The following FHIP1A variants were observed in gnomAD, a reference collection of about 807,000 sequenced individuals.
The protein encoded by FHIP1A is FHF complex subunit HOOK interacting protein 1A.
A neutral mutation model predicts 88.6 loss-of-function variants in FHIP1A; 61 were observed. The observed-to-expected ratio is 0.69, with a 90% CI of 0.56 to 0.85. FHIP1A has a LOEUF of 0.85. Ranked by LOEUF, FHIP1A falls within the 40% of genes least tolerant of loss-of-function variation. The probability of loss-of-function intolerance (pLI) is 0.00; values close to 1 mark genes in which losing one functional copy is unlikely to be tolerated. For missense variants in FHIP1A, 1,154 were observed against 1,273.5 expected, an observed-to-expected ratio of 0.91 and a Z score of 1.43; for synonymous variants, 478 against 496.0, an observed-to-expected ratio of 0.96 and a Z score of 0.48.
At chr4:151,448,940 C>T (rs1728700951) in intron 1 of FHIP1A, among the ~76,000 whole-genome samples, 1 of 152,082 alleles carries the variant, frequency 6.6e-6, no homozygotes, top group South Asian at 2.1e-4. Context: ...ACAGGAGTTC[C>T]AGTTTCTTGG....
intron 5 of FHIP1A, among the ~76,000 whole-genome samples, chr4:151,581,465 T>C (rs1465538277): frequency 6.6e-6 from 1 of 152,192 alleles, no homozygotes; most frequent in Admixed American, 6.5e-5. Context: ...GACAAGAAGA[T>C]TTCCATTTAA....
intron 1 of FHIP1A, among the ~76,000 whole-genome samples, chr4:151,441,446 AT>A (rs1403225298): frequency 6.6e-6 from 1 of 152,124 alleles, no homozygotes; most frequent in Non-Finnish European, 1.5e-5. Context: ...TGGCAATTGA[AT>A]TGATTGTGTG....
intron 13 of FHIP1A, among the ~76,000 whole-genome samples, chr4:151,661,712 TTGATAGGA>T (rs1173298409): frequency 6.6e-6 from 1 of 152,212 alleles, no homozygotes; most frequent in Non-Finnish European, 1.5e-5. Flanking sequence ...AAAAACTGAT[TTGATAGGA>T]AAATGCAAAT....
At chr4:151,412,418 CT>C (rs1732686494) in intron 1 of FHIP1A, among the ~76,000 whole-genome samples, 1 of 151,960 alleles carries the variant, frequency 6.6e-6, no homozygotes, top group Non-Finnish European at 1.5e-5. Flanking sequence ...TAATAAGGGA[CT>C]TTTATGGGCA....
chr4:151,508,793 C>G (rs1013765511), intron 3 of FHIP1A, among the ~76,000 whole-genome samples: 2 of 152,138 alleles, frequency 1.3e-5, no homozygotes, highest in African/African-American at 4.8e-5. Flanking sequence ...GCGGAGCAAA[C>G]AGCCTGCTCA....
At chr4:151,435,322 T>G (rs1728120567) in intron 1 of FHIP1A, among the ~76,000 whole-genome samples, 1 of 152,138 alleles carries the variant, frequency 6.6e-6, no homozygotes, top group Non-Finnish European at 1.5e-5. Context: ...CTCTACCTCA[T>G]GAGATTCACT....
At chr4:151,559,275 C>A (rs2126760419) in intron 3 of FHIP1A, among the ~76,000 whole-genome samples, 1 of 152,140 alleles carries the variant, frequency 6.6e-6, no homozygotes, top group South Asian at 2.1e-4. Flanking sequence ...AGTCCTTTTC[C>A]TTTTATTTAA....
At chr4:151,650,652 C>A in intron 11 of FHIP1A, 60 bp downstream of exon 11, 1 of 1,478,578 alleles carries the variant, frequency 6.8e-7, no homozygotes. Context: ...TATATTGGAA[C>A]AGGAAAGGAA....
intron 3 of FHIP1A, among the ~76,000 whole-genome samples, chr4:151,522,769 TTTCA>T (rs1370881196): frequency 6.6e-6 from 1 of 152,234 alleles, no homozygotes; most frequent in East Asian, 1.9e-4. Flanking sequence ...GTCTTTTTTC[TTTCA>T]TTCTTTCTTC....
At chr4:151,609,515 T>G (rs1455622333) in intron 7 of FHIP1A, among the ~76,000 whole-genome samples, 1 of 152,164 alleles carries the variant, frequency 6.6e-6, no homozygotes, top group African/African-American at 2.4e-5. Context: ...TGACAAATGT[T>G]TATGGTGGAA....
rs190391989 is a variant in FHIP1A at position 151,450,968 on chromosome 4, G to T, written c.-355-3733G>T. Among the ~76,000 whole-genome samples the T allele has an allele frequency of 1.7e-4, 26 of 152,002 alleles. 1 individual carries two copies. The South Asian group carries it at 5.4e-3, about 32-fold the overall frequency. ...AATTTTTGTATTTTTAATAGAGATC[G>T]TGTTTCATCATGTTGGCTAGGCTGG... On this transcript the variant is annotated intron_variant, in intron 1 of 13. Transcript: ENST00000435205.
chr4:151,634,403 G>GA (rs996354575), intron 8 of FHIP1A, among the ~76,000 whole-genome samples: 49 of 151,346 alleles, frequency 3.2e-4, no homozygotes, highest in East Asian at 2.5e-3. Context: ...GGCAGAAATA[G>GA]AAAAAAAATC....
chr4:151,480,941 A>G (rs1373672836), intron 2 of FHIP1A, among the ~76,000 whole-genome samples: 2 of 152,040 alleles, frequency 1.3e-5, no homozygotes, highest in Non-Finnish European at 2.9e-5. Context: ...CACCTTTTGT[A>G]GAGACTTCTA....
chr4:151,528,939 GT>G (rs1731777467), intron 3 of FHIP1A, among the ~76,000 whole-genome samples: 1 of 152,064 alleles, frequency 6.6e-6, no homozygotes, highest in South Asian at 2.1e-4. Context: ...TATACTTATT[GT>G]AACTGGGGTG....
chr4:151,422,680 C>T (rs370501796), intron 1 of FHIP1A, among the ~76,000 whole-genome samples: 18 of 152,258 alleles, frequency 1.2e-4, no homozygotes, highest in South Asian at 2.1e-4. Flanking sequence ...TGTGAGCCAC[C>T]GCGCCTGGCC....
Position 151,491,516 on chromosome 4 carries a change from A to G in FHIP1A, c.-123+8868A>G, listed in dbSNP as rs148520410. ...CTAAATCTTGACGCAAAACCTCAAC[A>G]TACACCAAAATAGAACCTCCTTAAA... On this transcript the variant is annotated intron_variant, in intron 3 of 13. Transcript: ENST00000435205. 4.1e-3 allele frequency among the ~76,000 whole-genome samples: 624 copies of G among 152,274 alleles called. 6 individuals carry two copies. Among genetic ancestry groups the G allele is most frequent in the African/African-American group, 0.014 (589 of 41,560 alleles).
intron 2 of FHIP1A, among the ~76,000 whole-genome samples, chr4:151,469,672 T>C (rs1218655693): frequency 6.6e-6 from 1 of 152,210 alleles, no homozygotes; most frequent in East Asian, 1.9e-4. Context: ...CTAAAGGAAA[T>C]GGATAATTTT....
intron 3 of FHIP1A, among the ~76,000 whole-genome samples, chr4:151,492,573 C>T (rs563399101): frequency 7.1e-5 from 10 of 141,780 alleles, no homozygotes; most frequent in African/African-American, 1.6e-4. Context: ...GCCTGGGTGA[C>T]GGAGTGAGGC....
At chr4:151,603,598 C>G (rs2126833300) in intron 7 of FHIP1A, among the ~76,000 whole-genome samples, 1 of 152,284 alleles carries the variant, frequency 6.6e-6, no homozygotes. Context: ...CTGGCTAGAT[C>G]TCTTCATCTC....
Sources: gnomAD v4.1 joint callset for allele counts (sites outside exome capture counted in the v4.1 genomes callset) on GRCh38, gnomAD v4.1.1 for gene constraint, MANE v1.5 for transcripts, NCBI Gene and HGNC (gene_info 2026-07-23, HGNC 2026-07-21) for gene names.